CAMTA1: variants seen among roughly 807,000 people sequenced by gnomAD.
CAMTA1 encodes the protein calmodulin-binding transcription activator 1.
CAMTA1 carries 27 observed loss-of-function variants against 170.9 expected under a neutral mutation model. That is an observed-to-expected ratio of 0.16 (90% CI 0.12 to 0.22). CAMTA1 has a LOEUF of 0.22. Among genes scored for constraint, CAMTA1 ranks in the 10% least tolerant of loss-of-function variants. The pLI, the probability that CAMTA1 is intolerant of heterozygous loss-of-function variation, is 1.00. For missense variants in CAMTA1, 1,619 were observed against 2,217.2 expected, an observed-to-expected ratio of 0.73 and a Z score of 5.42; for synonymous variants, 833 against 891.5, an observed-to-expected ratio of 0.93 and a Z score of 1.17.
At chr1:7,015,050 C>G (rs1225540239) in intron 3 of CAMTA1, among the ~76,000 whole-genome samples, 1 of 152,182 alleles carries the variant, frequency 6.6e-6, no homozygotes, top group Non-Finnish European at 1.5e-5. Flanking sequence ...AATTCTTTCT[C>G]AGAACAGATG....
intron 5 of CAMTA1, among the ~76,000 whole-genome samples, chr1:7,412,145 C>A (rs1050503896): frequency 1.3e-5 from 2 of 152,086 alleles, no homozygotes; most frequent in Non-Finnish European, 2.9e-5. Context: ...CATTTTCTTA[C>A]TCCAGTCTAT....
At chr1:7,740,603 C>T (rs866632922) in intron 16 of CAMTA1, among the ~76,000 whole-genome samples, 1 of 152,206 alleles carries the variant, frequency 6.6e-6, no homozygotes, top group African/African-American at 2.4e-5. Context: ...ATCCATACCA[C>T]GCACCGTGGG....
chr1:7,525,677 G>A (rs1049265872), intron 6 of CAMTA1, among the ~76,000 whole-genome samples: 3 of 151,970 alleles, frequency 2.0e-5, no homozygotes, highest in African/African-American at 4.8e-5. Flanking sequence ...CAAGAGATAC[G>A]GGGTGATTTC....
intron 4 of CAMTA1, among the ~76,000 whole-genome samples, chr1:7,129,756 C>T (rs1645138372): frequency 6.6e-6 from 1 of 152,170 alleles, no homozygotes; most frequent in Non-Finnish European, 1.5e-5. Flanking sequence ...ACATTCATCA[C>T]CCTAAAAGTT....
intron 4 of CAMTA1, among the ~76,000 whole-genome samples, chr1:7,131,326 A>G (rs1409924133): frequency 6.6e-6 from 1 of 151,870 alleles, no homozygotes; most frequent in Non-Finnish European, 1.5e-5. Context: ...TTTGTTGACT[A>G]TTTTTTCATG....
chr1:7,440,649 T>A (rs1575341318), intron 5 of CAMTA1, among the ~76,000 whole-genome samples: 5 of 152,172 alleles, frequency 3.3e-5, no homozygotes, highest in Non-Finnish European at 2.9e-5. Context: ...GGTGAAGGTG[T>A]GGTCCCCGGA....
intron 5 of CAMTA1, among the ~76,000 whole-genome samples, chr1:7,365,556 C>T (rs959247803): frequency 6.6e-6 from 1 of 152,162 alleles, no homozygotes; most frequent in South Asian, 2.1e-4. Flanking sequence ...CTTCCCTGGG[C>T]CTGCTGGTGG....
intron 5 of CAMTA1, among the ~76,000 whole-genome samples, chr1:7,307,871 G>A (rs1675829197): frequency 6.6e-6 from 1 of 152,016 alleles, no homozygotes; most frequent in Non-Finnish European, 1.5e-5. Context: ...CATAAAATGA[G>A]TTGGGAAATA....
chr1:7,061,505 G>A (rs1708201917), intron 3 of CAMTA1, among the ~76,000 whole-genome samples: 2 of 151,658 alleles, frequency 1.3e-5, no homozygotes, highest in African/African-American at 2.4e-5. Flanking sequence ...GGTGGAGGGT[G>A]TGTGGATGAG....
chr1:6,836,130 G>C (rs1002267018), intron 3 of CAMTA1, among the ~76,000 whole-genome samples: 2 of 151,964 alleles, frequency 1.3e-5, no homozygotes, highest in African/African-American at 4.8e-5. Context: ...GCCTACCCCA[G>C]GTTTCTGATG....
intron 4 of CAMTA1, among the ~76,000 whole-genome samples, chr1:7,223,834 G>A (rs192451978): frequency 6.6e-6 from 1 of 152,272 alleles, no homozygotes; most frequent in African/African-American, 2.4e-5. Context: ...ATATGCAAGC[G>A]AGATTCCTTT....
chr1:7,431,266 G>A (rs1430975364), intron 5 of CAMTA1, among the ~76,000 whole-genome samples: 1 of 152,206 alleles, frequency 6.6e-6, no homozygotes, highest in Non-Finnish European at 1.5e-5. Flanking sequence ...AGATCGATCA[G>A]CAGCTGGGTC....
chr1:7,601,945 G>C (rs1399881017), intron 6 of CAMTA1, among the ~76,000 whole-genome samples: 3 of 149,662 alleles, frequency 2.0e-5, no homozygotes, highest in Non-Finnish European at 4.5e-5. Flanking sequence ...GAGAGGGAGA[G>C]GGAGACCGTG....
chr1:7,329,949 T>A (rs1372535953), intron 5 of CAMTA1, among the ~76,000 whole-genome samples: 1 of 152,162 alleles, frequency 6.6e-6, no homozygotes, highest in African/African-American at 2.4e-5. Context: ...CCACAGACCC[T>A]CCAGGCCCAT....
At chr1:6,895,463 T>C (rs905269544) in intron 3 of CAMTA1, among the ~76,000 whole-genome samples, 1 of 152,222 alleles carries the variant, frequency 6.6e-6, no homozygotes, top group Non-Finnish European at 1.5e-5. Flanking sequence ...TTGCTCCCCT[T>C]GGAATAGATT....
chr1:6,848,508 C>G (rs1048371501), intron 3 of CAMTA1, among the ~76,000 whole-genome samples: 1 of 152,196 alleles, frequency 6.6e-6, no homozygotes, highest in Admixed American at 6.5e-5. Context: ...TGCAGTTACC[C>G]TGTGGACCAT....
intron 5 of CAMTA1, among the ~76,000 whole-genome samples, chr1:7,398,833 C>T (rs982379955): frequency 4.0e-5 from 6 of 151,734 alleles, no homozygotes; most frequent in Admixed American, 1.3e-4. Context: ...GTAGTTACTA[C>T]GGGGTTTACA....
chr1:7,325,461 G>A lies in CAMTA1; in HGVS notation c.438+75835G>A, dbSNP rs1218471276. On this transcript the variant is annotated intron_variant, in intron 5 of 22. Transcript: ENST00000303635. This position sits in a 1 kb window ranked among gnomAD's most constrained non-coding sequence, Gnocchi z 5.0. The stretch of plus-strand genomic sequence containing the variant: ...TTTTAAACTGGAGCATGCTGAGCAC[G>A]TTCAAAGACAGCAAGGAAGCCAGCG... Among the ~76,000 whole-genome samples the A allele has an allele frequency of 2.6e-5, 4 of 152,184 alleles. No homozygotes were observed. Among genetic ancestry groups the A allele is most frequent in the Non-Finnish European group, 4.4e-5 (3 of 68,030 alleles).
At chr1:7,140,065 T>C (rs1012676181) in intron 4 of CAMTA1, among the ~76,000 whole-genome samples, 2 of 152,234 alleles carry the variant, frequency 1.3e-5, no homozygotes, top group African/African-American at 4.8e-5. Context: ...ATTATCTCCA[T>C]TCTGTAGAAC....
Sources: allele counts gnomAD v4.1 joint callset (sites outside exome capture counted in the v4.1 genomes callset), GRCh38; gene constraint gnomAD v4.1.1; non-coding constraint Gnocchi (gnomAD v3.1); transcripts MANE v1.5; gene names NCBI Gene and HGNC (gene_info 2026-07-23, HGNC 2026-07-21).